PCDH9: variants seen among roughly 807,000 people sequenced by gnomAD.
The protein encoded by PCDH9 is protocadherin 9, also known as protocadherin-9.
In PCDH9, 24 loss-of-function variants were observed where a neutral mutation model predicts 70.6. That is an observed-to-expected ratio of 0.34 (90% confidence interval 0.25 to 0.48). PCDH9 has a LOEUF of 0.48. PCDH9 is among the 20% of genes least tolerant of loss of function. The pLI is 0.99. For synonymous variants in PCDH9, 562 were observed against 558.5 expected (o/e 1.01, Z -0.09); for missense variants, 1,281 against 1,503.6 (o/e 0.85, Z 2.45).
At chr13:66,351,901 A>G (rs1304093412) in intron 4 of PCDH9, among the ~76,000 whole-genome samples, 1 of 150,850 alleles carries the variant, frequency 6.6e-6, no homozygotes, top group East Asian at 2.0e-4. Context: ...GTGTAATGGC[A>G]TGATCTCACC....
At chr13:67,221,346 A>G (rs1474346534) in intron 2 of PCDH9, 2 of 152,090 alleles carry the variant, frequency 1.3e-5, no homozygotes, top group Non-Finnish European at 2.9e-5. Context: ...CAAAAATGAA[A>G]AGTAATCATA....
At chr13:66,939,218 T>C (rs902865931) in intron 2 of PCDH9, among the ~76,000 whole-genome samples, 3 of 152,262 alleles carry the variant, frequency 2.0e-5, no homozygotes, top group Admixed American at 6.5e-5. Flanking sequence ...GCTTAAATAT[T>C]ATTGTTTTTT....
At chr13:66,654,461 TAA>T (rs567763182) in intron 3 of PCDH9, among the ~76,000 whole-genome samples, 58 of 152,232 alleles carry the variant, frequency 3.8e-4, no homozygotes, top group African/African-American at 1.3e-3. Flanking sequence ...AGAATTACTA[TAA>T]GAGTATAATT....
intron 4 of PCDH9, among the ~76,000 whole-genome samples, chr13:66,407,512 T>A (rs1276613414): frequency 6.6e-6 from 1 of 152,156 alleles, no homozygotes. Context: ...GGGGTGTTGT[T>A]TTTTAATGTT....
intron 4 of PCDH9, among the ~76,000 whole-genome samples, chr13:66,525,042 T>A (rs1381265276): frequency 6.6e-6 from 1 of 152,064 alleles, no homozygotes; most frequent in Non-Finnish European, 1.5e-5. Flanking sequence ...AGAAAAATCT[T>A]AGAATCTCAC....
chr13:66,981,220 C>T (rs928212281), intron 2 of PCDH9, among the ~76,000 whole-genome samples: 3 of 152,042 alleles, frequency 2.0e-5, no homozygotes, highest in Admixed American at 2.0e-4. Context: ...GGGCGGATCA[C>T]GAGGTGCGGA....
intron 4 of PCDH9, among the ~76,000 whole-genome samples, chr13:66,548,887 A>G (rs1855019617): frequency 6.6e-6 from 1 of 152,096 alleles, no homozygotes; most frequent in Non-Finnish European, 1.5e-5. Context: ...GCCATCGATA[A>G]TGTTTTTTAT....
At chr13:67,020,921 C>A (rs536472670) in intron 2 of PCDH9, among the ~76,000 whole-genome samples, 2 of 152,078 alleles carry the variant, frequency 1.3e-5, no homozygotes, top group Non-Finnish European at 2.9e-5. Context: ...TACTAGAACA[C>A]CAGTGAAAAT....
intron 3 of PCDH9, among the ~76,000 whole-genome samples, chr13:66,663,107 T>C (rs997422051): frequency 1.3e-5 from 2 of 152,196 alleles, no homozygotes; most frequent in African/African-American, 2.4e-5. Flanking sequence ...TGAAGGGAGA[T>C]AAACAAAAAT....
intron 2 of PCDH9, among the ~76,000 whole-genome samples, chr13:67,174,246 G>A (rs530645299): frequency 4.6e-5 from 7 of 151,464 alleles, no homozygotes; most frequent in African/African-American, 1.7e-4. Context: ...TAGCAGATAG[G>A]CAGACTATAG....
chr13:66,538,097 T>C (rs1960783802), intron 4 of PCDH9, among the ~76,000 whole-genome samples: 1 of 152,116 alleles, frequency 6.6e-6, no homozygotes, highest in African/African-American at 2.4e-5. Context: ...TCTCAAAAAG[T>C]CTTTCGTGCT....
intron 4 of PCDH9, among the ~76,000 whole-genome samples, chr13:66,629,593 G>T (rs1326320939): frequency 6.6e-6 from 1 of 152,122 alleles, no homozygotes; most frequent in Non-Finnish European, 1.5e-5. Context: ...ATAATAAGAG[G>T]TTTTTTCCTT....
intron 2 of PCDH9, among the ~76,000 whole-genome samples, chr13:67,037,006 G>C (rs1204978086): frequency 6.6e-6 from 1 of 152,082 alleles, no homozygotes; most frequent in Non-Finnish European, 1.5e-5. Flanking sequence ...TTAAAACCAG[G>C]GTTTAACATA....
intron 3 of PCDH9, among the ~76,000 whole-genome samples, chr13:66,679,945 T>C (rs2078295748): frequency 6.6e-6 from 1 of 152,016 alleles, no homozygotes; most frequent in African/African-American, 2.4e-5. Context: ...ATTACTTTTT[T>C]AAACATCTTT....
intron 3 of PCDH9, among the ~76,000 whole-genome samples, chr13:66,751,860 C>T (rs1413940407): frequency 6.6e-6 from 1 of 152,118 alleles, no homozygotes. Flanking sequence ...ATCTGCTAAA[C>T]AGGAGTGCAG....
At chr13:66,821,886 C>T (rs1179864556) in intron 3 of PCDH9, among the ~76,000 whole-genome samples, 1 of 152,144 alleles carries the variant, frequency 6.6e-6, no homozygotes, top group Non-Finnish European at 1.5e-5. Context: ...TTCATTTTCA[C>T]AAATTTCTTA....
At chr13:66,775,216 A>C (rs9564348) in intron 3 of PCDH9, among the ~76,000 whole-genome samples, 1 of 152,030 alleles carries the variant, frequency 6.6e-6, no homozygotes, top group African/African-American at 2.4e-5. Flanking sequence ...TGTCTTAGGA[A>C]GCATGTAGTA....
intron 2 of PCDH9, among the ~76,000 whole-genome samples, chr13:67,090,361 T>C (rs1358379359): frequency 6.6e-6 from 1 of 152,060 alleles, no homozygotes; most frequent in Admixed American, 6.6e-5. Context: ...TTGAATAGCA[T>C]GGCTTTTGGA....
chr13:67,119,709 G>T lies in PCDH9; in HGVS notation c.3036+105696C>A, dbSNP rs191281731. On this transcript the variant is annotated intron_variant, in intron 2 of 4. Transcript: ENST00000377865. ...TTGGCCAGATGATGTAATCTACCCT[G>T]AGAAATGGAACTCACATATTTTAGA... Among the ~76,000 whole-genome samples the T allele has an allele frequency of 2.0e-3, 297 of 152,270 alleles. 3 individuals carry two copies. Among genetic ancestry groups the T allele is most frequent in the Admixed American group, 2.0e-3 (30 of 15,292 alleles).
Sources: allele counts gnomAD v4.1 joint callset (sites outside exome capture counted in the v4.1 genomes callset), GRCh38; gene constraint gnomAD v4.1.1; transcripts MANE v1.5; gene names NCBI Gene and HGNC (gene_info 2026-07-23, HGNC 2026-07-21).